Variants in B4GALT2 observed in about 807,000 individuals in gnomAD.
B4GALT2 encodes the protein N-acetyllactosamine synthase.
A neutral mutation model predicts 33.2 loss-of-function variants in B4GALT2; 18 were observed. The observed-to-expected ratio is 0.54, with a 90% CI of 0.38 to 0.80. The LOEUF is 0.80. B4GALT2 is among the 30% of genes least tolerant of loss of function. The pLI is 0.00. For synonymous variants in B4GALT2, 214 were observed against 217.6 expected (o/e 0.98, Z 0.15); for missense variants, 404 against 526.2 (o/e 0.77, Z 2.27).
Position 43,985,545 on chromosome 1 carries a change from C to T in B4GALT2, c.892C>T (p.Arg298Cys), listed in dbSNP as rs763420671. 2.5e-6 allele frequency: 4 copies of T among 1,613,760 alleles called. No individual in the cohort carries two copies. The highest frequency in any genetic ancestry group is 3.4e-6 in the Non-Finnish European group (4 of 1,179,966). The change falls in exon 6 of 7, where the codon CGC becomes TGC. Residue 298 changes from arginine to cysteine, a missense_variant. Physicochemically the swap from Arg to Cys is radical, Grantham distance 180. Coordinates refer to ENST00000372324, the MANE Select transcript of B4GALT2 (RefSeq NM_003780.5). ...CTCCCTGACTGGGATGAAGATCTCACGCCCAGACATCCGAATCGGCCGCTA... is the reference window on the plus strand; with the variant it reads ...CTCCCTGACTGGGATGAAGATCTCATGCCCAGACATCCGAATCGGCCGCTA... ...RISLTGMKIS[R>C]PDIRIGRYRM...
In B4GALT2 at chr1:43,990,656, C is replaced by T. The variant is rs575345929; in HGVS notation, c.*208C>T. 1.4e-5 allele frequency: 9 copies of T among 662,812 alleles called. No homozygotes were observed. Among genetic ancestry groups the T allele is most frequent in the African/African-American group, 1.8e-5 (1 of 55,084 alleles). 41.1% of individuals were successfully genotyped at this position (662,812 alleles called of 1,614,324 possible). A position where few individuals can be genotyped will look rare whatever the true frequency, so the allele number is the denominator to read the frequency against. On this transcript the variant is annotated 3_prime_UTR_variant, in exon 7 of 7. Coordinates refer to ENST00000372324, the MANE Select transcript of B4GALT2 (RefSeq NM_003780.5). ...CTGGGCAGGCTCTTCAAGTGTGGCC[C>T]TCTTTGGAGTCAACCCTCCTTCCCG...
chr1:43,985,191 A>G, intron 4 of B4GALT2, 87 bp from the exon 5 acceptor site: 1 of 1,563,524 alleles, frequency 6.4e-7, no homozygotes, highest in Admixed American at 1.8e-5. Context: ...CCTGGACCCC[A>G]TTGGACATTC....
At position 43,981,727 on chromosome 1, in the gene B4GALT2, C is replaced by T. The variant is rs1370980191; in HGVS notation, c.352C>T (p.Leu118=). 1.2e-6 allele frequency: 2 copies of T among 1,613,226 alleles called. No homozygotes were observed. Among genetic ancestry groups the T allele is most frequent in the African/African-American group, 1.3e-5 (1 of 75,018 alleles). The change falls in exon 3 of 7, where the codon CTG becomes TTG. Residue 118 remains leucine, a synonymous_variant. Transcript: ENST00000372324. This position sits in a 1 kb window ranked among gnomAD's most constrained non-coding sequence, Gnocchi z 8.1. ...GATCGAGTTCACCTCACCCATGCCC[C>T]TGGAGCGGGTGCAGAGGGAGAACCC... ...LLIEFTSPMP[L]ERVQRENPGV...
Position 43,981,190 on chromosome 1 carries a change from G to A in B4GALT2, c.30G>A (p.Glu10=). MSRLLGGTL[E]RVCKAVLLLC... ...GCAGACTGCTGGGGGGGACGCTGGA[G>A]CGCGTCTGCAAGGCTGTGCTCCTTC... The change falls in exon 2 of 7, where the codon GAG becomes GAA. Residue 10 remains glutamate, a synonymous_variant. Coordinates refer to ENST00000372324, the MANE Select transcript of B4GALT2 (RefSeq NM_003780.5). This position sits in a 1 kb window ranked among gnomAD's most constrained non-coding sequence, Gnocchi z 8.1. The A allele has an allele frequency of 6.2e-7, 1 of 1,601,132 alleles. No homozygotes were observed. The highest frequency in any genetic ancestry group is 8.5e-7 in the Non-Finnish European group (1 of 1,179,824).
At position 43,979,891 on chromosome 1, in the gene B4GALT2, A is replaced by G. The variant is rs1037635721; in HGVS notation, c.-53+380A>G. The G allele has an allele frequency of 8.6e-6, 10 of 1,165,812 alleles. No homozygotes were observed. In the African/African-American group the frequency reaches 1.4e-4, roughly 17 times the overall value. The allele number at this position is 1,165,812 out of a possible 1,614,324, so 72.2% of individuals were successfully genotyped here. ...GCGGGTGCCACGTGTTCAGCCTGCC[A>G]GCCCCGCCCAAACGCACCCCTCAGC... On this transcript the variant is annotated intron_variant, in intron 1 of 6. Coordinates refer to ENST00000372324, the MANE Select transcript of B4GALT2 (RefSeq NM_003780.5). The surrounding 1 kb of genome is among the most constrained non-coding windows in gnomAD (Gnocchi z 4.8).
At position 43,982,014 on chromosome 1, in the gene B4GALT2, ATGGACC is replaced by A. The variant is rs2085605663; in HGVS notation, c.549+94_549+99del. 1 of 1,335,480 alleles carries A rather than the reference ATGGACC, an allele frequency of 7.5e-7. No individual in the cohort carries two copies. Among genetic ancestry groups the A allele is most frequent in the African/African-American group, 1.5e-5 (1 of 68,768 alleles). 82.7% of individuals were successfully genotyped at this position (1,335,480 alleles called of 1,614,324 possible). A position where few individuals can be genotyped will look rare whatever the true frequency, so the allele number is the denominator to read the frequency against. On this transcript the variant is annotated intron_variant, in intron 3 of 6. Coordinates refer to ENST00000372324, the MANE Select transcript of B4GALT2 (RefSeq NM_003780.5). The surrounding 1 kb of genome is among the most constrained non-coding windows in gnomAD (Gnocchi z 4.3). ...CTTGTCTGCCCGTGTGGATATGTGG[ATGGACC>A]TGGGCGTGGGTAGTCGGTGTTTGTC...
At position 43,982,401 on chromosome 1, in the gene B4GALT2, C is replaced by G. The variant is rs1186312692; in HGVS notation, c.549+477C>G. ...ATGCAGGCCCCCCCGCCCCCGCCGA[C>G]CACAGAGACCTCCTAGACTTGGACA... On this transcript the variant is annotated intron_variant, in intron 3 of 6. Coordinates refer to ENST00000372324, the MANE Select transcript of B4GALT2 (RefSeq NM_003780.5). This position sits in a 1 kb window ranked among gnomAD's most constrained non-coding sequence, Gnocchi z 4.3. Among the ~76,000 whole-genome samples, 1 of 152,136 alleles carries G rather than the reference C, an allele frequency of 6.6e-6. No homozygotes were observed. Among genetic ancestry groups the G allele is most frequent in the Non-Finnish European group, 1.5e-5 (1 of 68,016 alleles).
At position 43,985,452 on chromosome 1, in the gene B4GALT2, G is replaced by GTT. The variant is rs751963960; in HGVS notation, c.863+52_863+53insTT. On this transcript the variant is annotated intron_variant, in intron 5 of 6. Transcript: ENST00000372324. Reference sequence around the variant, plus strand: ...GCTGGGTGGGGGGGGGAGGGGGGGTGCAGACTGGGTGGGGTTCTTTGCCCT... The same window carrying GTT: ...GCTGGGTGGGGGGGGGAGGGGGGGTGTTCAGACTGGGTGGGGTTCTTTGCCCT... The GTT allele has an allele frequency of 2.1e-5, 18 of 846,300 alleles. 2 individuals are homozygous for GTT. Among genetic ancestry groups the GTT allele is most frequent in the African/African-American group, 4.0e-5 (2 of 50,242 alleles). The allele number at this position is 846,300 out of a possible 1,614,324, so 52.4% of individuals were successfully genotyped here.
chr1:43,980,251 C>T (rs1284348052), intron 1 of B4GALT2: 5 of 550,136 alleles, frequency 9.1e-6, no homozygotes, highest in African/African-American at 2.0e-5. Context: ...CCAGGCAAGA[C>T]CCCCTTCCTG....
chr1:43,980,155 C>T (rs2085578873), intron 1 of B4GALT2: 5 of 1,213,160 alleles, frequency 4.1e-6, no homozygotes, highest in Non-Finnish European at 5.5e-6. Context: ...CCCTGTGATT[C>T]TGTGTGCCTG....
chr1:43,980,208 C>G (rs1198728307), intron 1 of B4GALT2: 1 of 796,328 alleles, frequency 1.3e-6, no homozygotes, highest in Non-Finnish European at 1.8e-6. Flanking sequence ...GAAGTGGCTG[C>G]CGCTCTCTTG....
intron 1 of B4GALT2, chr1:43,980,250 A>AC (rs1272527444): frequency 7.4e-6 from 4 of 537,778 alleles, no homozygotes; most frequent in Non-Finnish European, 6.0e-6. Context: ...CCCAGGCAAG[A>AC]CCCCCTTCCT....
rs1403511336 is a variant in B4GALT2, at chr1:43,984,393, G to A, written c.550-472G>A. On this transcript the variant is annotated intron_variant, in intron 3 of 6. Transcript: ENST00000372324. The surrounding 1 kb of genome is among the most constrained non-coding windows in gnomAD (Gnocchi z 5.6). ...CTCCAGAATCCCCGCTAGCACAAAG[G>A]AGAGAGCGCCACAGGGCATGTTTGA... Among the ~76,000 whole-genome samples the A allele has an allele frequency of 6.6e-6, 1 of 152,276 alleles. No individual in the cohort carries two copies. The highest frequency in any genetic ancestry group is 1.5e-5 in the Non-Finnish European group (1 of 68,046).
At chr1:43,980,269 C>A in intron 1 of B4GALT2, 1 of 483,964 alleles carries the variant, frequency 2.1e-6, no homozygotes. Context: ...CTGCCATGCC[C>A]AGTGCTGTGC....
chr1:43,987,611 T>C (rs981037032), intron 6 of B4GALT2, among the ~76,000 whole-genome samples: 1 of 152,194 alleles, frequency 6.6e-6, no homozygotes, highest in African/African-American at 2.4e-5. Context: ...TTTACCTTAG[T>C]CCAACCTCTG....
rs777270557 is a variant in B4GALT2, at chr1:43,990,476, G to A, written c.*28G>A. The A allele has an allele frequency of 6.8e-6, 11 of 1,613,194 alleles. No homozygotes were observed. Among genetic ancestry groups the A allele is most frequent in the Admixed American group, 3.3e-5 (2 of 59,998 alleles). Reference sequence around the variant, plus strand: ...CTAATGGACAGAGGCTCTCGGTGCCGAAGATTGCCTGCCAGAGGACTGACC... The same window carrying A: ...CTAATGGACAGAGGCTCTCGGTGCCAAAGATTGCCTGCCAGAGGACTGACC... On this transcript the variant is annotated 3_prime_UTR_variant, in exon 7 of 7. Transcript: ENST00000372324.
intron 1 of B4GALT2, chr1:43,980,179 G>C: frequency 1.0e-6 from 1 of 993,082 alleles, no homozygotes; most frequent in Non-Finnish European, 1.4e-6. Flanking sequence ...GACTCACCCT[G>C]CTCCCTGAAG....
intron 4 of B4GALT2, 78 bp from the exon 5 acceptor site, chr1:43,985,200 T>TC (rs1259993020): frequency 6.4e-7 from 1 of 1,564,718 alleles, no homozygotes; most frequent in Non-Finnish European, 8.7e-7. Flanking sequence ...CATTGGACAT[T>TC]CCCCCCGACC....
rs1248155486 is a variant in B4GALT2 at position 43,990,737 on chromosome 1, C to T, written c.*289C>T. On this transcript the variant is annotated 3_prime_UTR_variant, in exon 7 of 7. Transcript: ENST00000372324. The stretch of plus-strand genomic sequence containing the variant: ...TGTCAGGGTCGGGCCAGCCCCTGCA[C>T]TGCCTCGCAGAGTGGCCTGGGCTAG... 7 of 453,868 alleles carry T rather than the reference C, an allele frequency of 1.5e-5. No homozygotes were observed. The highest frequency in any genetic ancestry group is 2.9e-5 in the Non-Finnish European group (7 of 245,398). The allele number at this position is 453,868 out of a possible 1,614,324, so 28.1% of individuals were successfully genotyped here.
Sources: allele counts gnomAD v4.1 joint callset (sites outside exome capture counted in the v4.1 genomes callset), GRCh38; gene constraint gnomAD v4.1.1; non-coding constraint Gnocchi (gnomAD v3.1); transcripts MANE v1.5; gene names NCBI Gene and HGNC (gene_info 2026-07-23, HGNC 2026-07-21).